Variants in GNA14 observed in about 807,000 individuals in gnomAD.
The protein encoded by GNA14 is G protein subunit alpha 14, also known as guanine nucleotide-binding protein subunit alpha-14.
Under a neutral mutation model 42.0 loss-of-function variants are expected in GNA14, and 50 were observed. The observed-to-expected ratio is 1.19, with a 90% CI of 0.95 to 1.51. The LOEUF (loss-of-function observed/expected upper bound fraction) is 1.51. Ranked by LOEUF, GNA14 falls within the 40% of genes most tolerant of loss-of-function variation. GNA14 has a pLI of 0.00. For synonymous variants in GNA14, 173 were observed against 163.1 expected, an observed-to-expected ratio of 1.06 and a Z score of -0.46; for missense variants, 473 against 446.2, an observed-to-expected ratio of 1.06 and a Z score of -0.54.
chr9:77,479,449 G>C (rs1487226934), intron 2 of GNA14, among the ~76,000 whole-genome samples: 1 of 152,152 alleles, frequency 6.6e-6, no homozygotes, highest in African/African-American at 2.4e-5. Context: ...TTTGAAGTCA[G>C]GTAGCATGAT....
Position 77,460,172 on chromosome 9 carries a change from T to C in GNA14, c.310-25650A>G, listed in dbSNP as rs186882362. 5.6e-4 allele frequency among the ~76,000 whole-genome samples: 85 copies of C among 152,298 alleles called. 2 individuals are homozygous for C. In the Middle Eastern group the frequency reaches 0.034, roughly 61 times the overall value. Reference sequence around the variant, plus strand: ...GGAAAGAGGGTCTTCACTGATGTCATTGAAGTACGGATTGAGATGAGGTCA... The same window carrying C: ...GGAAAGAGGGTCTTCACTGATGTCACTGAAGTACGGATTGAGATGAGGTCA... On this transcript the variant is annotated intron_variant, in intron 2 of 6. Coordinates refer to ENST00000341700, the MANE Select transcript of GNA14 (RefSeq NM_004297.4).
chr9:77,482,651 T>A (rs2131729803), intron 2 of GNA14, among the ~76,000 whole-genome samples: 1 of 152,338 alleles, frequency 6.6e-6, no homozygotes, highest in East Asian at 1.9e-4. Flanking sequence ...GCAGAGTGTT[T>A]TCCAACTTGG....
At chr9:77,424,920 A>AT (rs1253810083) in intron 6 of GNA14, among the ~76,000 whole-genome samples, 1 of 152,254 alleles carries the variant, frequency 6.6e-6, no homozygotes, top group African/African-American at 2.4e-5. Flanking sequence ...AATCCACTAA[A>AT]TATCAGTGTC....
intron 3 of GNA14, 66 bp from the exon 4 acceptor site, chr9:77,431,515 A>C: frequency 1.4e-6 from 2 of 1,468,644 alleles, no homozygotes; most frequent in Non-Finnish European, 1.9e-6. Context: ...ATCCTACTCA[A>C]AGGAAGTCAC....
rs376230405 is a variant in GNA14 at position 77,458,400 on chromosome 9, C to A, written c.310-23878G>T. Among the ~76,000 whole-genome samples, 4 of 152,252 alleles carry A rather than the reference C, an allele frequency of 2.6e-5. No individual in the cohort carries two copies. The South Asian group carries it at 8.3e-4, about 32-fold the overall frequency. On this transcript the variant is annotated intron_variant, in intron 2 of 6. Coordinates refer to ENST00000341700, the MANE Select transcript of GNA14 (RefSeq NM_004297.4). ...GTGTGGCGGACTAGGAATGCGCTGG[C>A]CACGCGCGCCTGAACCTGCAGTGGG...
In GNA14 at chr9:77,553,673, A is replaced by G. The variant is rs1587828116; in HGVS notation, c.125-24420T>C. ...TTAATGGGCATATGAGAAAACAGACACCCATTCCCACTTATTTGTGTGCAC... is the reference window on the plus strand; with the variant it reads ...TTAATGGGCATATGAGAAAACAGACGCCCATTCCCACTTATTTGTGTGCAC... On this transcript the variant is annotated intron_variant, in intron 1 of 6. Transcript: ENST00000341700. Among the ~76,000 whole-genome samples, 3 of 152,264 alleles carry G rather than the reference A, an allele frequency of 2.0e-5. No individual in the cohort carries two copies. In the East Asian group the frequency reaches 5.8e-4, roughly 29 times the overall value.
chr9:77,622,893 CA>C (rs1184648958), intron 1 of GNA14, among the ~76,000 whole-genome samples: 4,841 of 77,600 alleles, frequency 0.062, 269 homozygotes, highest in African/African-American at 0.19. Context: ...GACTCTGTCT[CA>C]AAAAAAAAAA....
At position 77,521,381 on chromosome 9, in the gene GNA14, G is replaced by A. The variant is rs1370760607; in HGVS notation, c.309+7688C>T. On this transcript the variant is annotated intron_variant, in intron 2 of 6. Transcript: ENST00000341700. ...ATTTTTCAAATTGGATGAGGAAGTG[G>A]GACAGAAAAATTTATTTAAACAGAT... is the stretch of plus-strand genomic sequence containing the variant. 2.0e-5 allele frequency among the ~76,000 whole-genome samples: 3 copies of A among 152,100 alleles called. 1 individual carries two copies. The Middle Eastern group carries it at 0.01, about 517-fold the overall frequency.
chr9:77,542,544 G>C (rs12350158), intron 1 of GNA14, among the ~76,000 whole-genome samples: 2 of 152,188 alleles, frequency 1.3e-5, no homozygotes, highest in East Asian at 3.9e-4. Flanking sequence ...GGTGGTGGCA[G>C]CAGTGGGCCA....
At chr9:77,430,470 G>A (rs1001083693) in intron 4 of GNA14, among the ~76,000 whole-genome samples, 2 of 152,232 alleles carry the variant, frequency 1.3e-5, no homozygotes, top group Admixed American at 1.3e-4. Flanking sequence ...AGAAATTCAT[G>A]GGCACACAGG....
At position 77,641,063 on chromosome 9, in the gene GNA14, AG is replaced by A. The variant is rs1180140648; in HGVS notation, c.124+6606del. On this transcript the variant is annotated intron_variant, in intron 1 of 6. Transcript: ENST00000341700. ...GAATTTGCATGGGAAGGAAGGAAGG[AG>A]GGGAGGGGAGGGGAGGGGAGGGGAG... is the stretch of plus-strand genomic sequence containing the variant. Among the ~76,000 whole-genome samples the A allele has an allele frequency of 3.3e-4, 10 of 29,862 alleles. No individual in the cohort carries two copies. In the East Asian group the frequency reaches 0.01, roughly 30 times the overall value. The allele number at this position is 29,862 out of a possible 152,430, so 19.6% of individuals were successfully genotyped here.
At chr9:77,603,657 G>A (rs1369259700) in intron 1 of GNA14, among the ~76,000 whole-genome samples, 1 of 151,942 alleles carries the variant, frequency 6.6e-6, no homozygotes, top group Non-Finnish European at 1.5e-5. Flanking sequence ...AGCCAGCAAT[G>A]TGTCACGGGA....
chr9:77,515,755 G>T (rs1472003481), intron 2 of GNA14, among the ~76,000 whole-genome samples: 1 of 151,802 alleles, frequency 6.6e-6, no homozygotes, highest in African/African-American at 2.4e-5. Context: ...CTTGTGTCTA[G>T]GAGTTCAAGA....
chr9:77,648,181 G>C lies in GNA14; in HGVS notation c.-388C>G. On this transcript the variant is annotated 5_prime_UTR_variant, in exon 1 of 7. Transcript: ENST00000341700. Reference sequence around the variant, plus strand: ...AGACGAGTTGGAACGTCGGTGCTCGGGGGAGAGTAGGATCTCCTGGGCCTA... The same window carrying C: ...AGACGAGTTGGAACGTCGGTGCTCGCGGGAGAGTAGGATCTCCTGGGCCTA... 1 of 301,848 alleles carries C rather than the reference G, an allele frequency of 3.3e-6. No homozygotes were observed. The highest frequency in any genetic ancestry group is 6.2e-6 in the Non-Finnish European group (1 of 160,378). 18.7% of individuals were successfully genotyped at this position (301,848 alleles called of 1,614,324 possible).
At chr9:77,629,272 CTGT>C (rs1824058729) in intron 1 of GNA14, among the ~76,000 whole-genome samples, 1 of 152,204 alleles carries the variant, frequency 6.6e-6, no homozygotes, top group African/African-American at 2.4e-5. Context: ...CGCTTTTACA[CTGT>C]TGTTGGGAGT....
At chr9:77,604,582 T>C (rs1337955859) in intron 1 of GNA14, among the ~76,000 whole-genome samples, 2 of 152,222 alleles carry the variant, frequency 1.3e-5, no homozygotes, top group African/African-American at 2.4e-5. Context: ...TGGCTTCTCA[T>C]TGCTAAGCAC....
At chr9:77,634,128 T>A (rs7854640) in intron 1 of GNA14, among the ~76,000 whole-genome samples, 4 of 152,086 alleles carry the variant, frequency 2.6e-5, no homozygotes, top group Admixed American at 2.0e-4. Context: ...AAAGTCTTTA[T>A]GAAAATACAA....
chr9:77,458,715 ATTGT>A (rs1262291387), intron 2 of GNA14, among the ~76,000 whole-genome samples: 1 of 152,170 alleles, frequency 6.6e-6, no homozygotes, highest in Non-Finnish European at 1.5e-5. Context: ...TGTATCACAG[ATTGT>A]TTATCAACAT....
At chr9:77,500,132 C>T (rs910544662) in intron 2 of GNA14, among the ~76,000 whole-genome samples, 3 of 151,928 alleles carry the variant, frequency 2.0e-5, no homozygotes, top group African/African-American at 7.3e-5. Context: ...AAGCAATTCT[C>T]GTGCCTCAGC....
Sources: allele counts gnomAD v4.1 joint callset (sites outside exome capture counted in the v4.1 genomes callset), GRCh38; gene constraint gnomAD v4.1.1; transcripts MANE v1.5; gene names NCBI Gene and HGNC (gene_info 2026-07-23, HGNC 2026-07-21).